VEPH1: variants seen among roughly 807,000 people sequenced by gnomAD.
VEPH1 encodes the protein ventricular zone-expressed PH domain-containing protein homolog 1.
A neutral mutation model predicts 85.2 loss-of-function variants in VEPH1; 80 were observed. The observed-to-expected ratio is 0.94, with a 90% CI of 0.78 to 1.13. The LOEUF is 1.13. Among genes scored for constraint, VEPH1 ranks in the 50% most tolerant of loss-of-function variants. The pLI, the probability that VEPH1 is intolerant of heterozygous loss-of-function variation, is 0.00. For synonymous variants in VEPH1, 297 were observed against 348.0 expected, an observed-to-expected ratio of 0.85 and a Z score of 1.63; for missense variants, 955 against 980.5, an observed-to-expected ratio of 0.97 and a Z score of 0.35.
intron 11 of VEPH1, among the ~76,000 whole-genome samples, chr3:157,286,918 G>A (rs1421994006): frequency 1.3e-5 from 2 of 152,178 alleles, no homozygotes; most frequent in African/African-American, 2.4e-5. Flanking sequence ...TGAGTGTCAG[G>A]GTTGAGGTGT....
At chr3:157,263,695 A>G (rs1247941040) in intron 13 of VEPH1, among the ~76,000 whole-genome samples, 1 of 152,200 alleles carries the variant, frequency 6.6e-6, no homozygotes, top group Non-Finnish European at 1.5e-5. Context: ...AAGTAGCATG[A>G]CTACACAGTA....
intron 12 of VEPH1, among the ~76,000 whole-genome samples, chr3:157,273,729 G>A (rs1692203657): frequency 6.6e-6 from 1 of 152,076 alleles, no homozygotes. Context: ...GTAATGCTTT[G>A]TAGTGTAACA....
intron 4 of VEPH1, among the ~76,000 whole-genome samples, chr3:157,454,172 GC>G (rs1364441277): frequency 6.6e-6 from 1 of 152,012 alleles, no homozygotes; most frequent in African/African-American, 2.4e-5. Flanking sequence ...CAAAAATGTA[GC>G]CAAGGTGTTG....
intron 7 of VEPH1, among the ~76,000 whole-genome samples, chr3:157,368,213 G>C (rs1341821309): frequency 6.6e-6 from 1 of 152,192 alleles, no homozygotes; most frequent in Non-Finnish European, 1.5e-5. Context: ...CTGTAGGAGG[G>C]GATGGCCACT....
chr3:157,326,876 A>G (rs1444346680), intron 9 of VEPH1, among the ~76,000 whole-genome samples: 2 of 152,214 alleles, frequency 1.3e-5, no homozygotes, highest in Non-Finnish European at 2.9e-5. Flanking sequence ...TCCTGAAGCC[A>G]GACAGAAAGG....
intron 9 of VEPH1, among the ~76,000 whole-genome samples, chr3:157,325,599 C>T (rs1306332901): frequency 1.3e-5 from 2 of 152,110 alleles, no homozygotes; most frequent in Non-Finnish European, 2.9e-5. Flanking sequence ...AATAGGGAAT[C>T]CTTTCCCCAT....
chr3:157,438,480 C>G (rs1302535885), intron 4 of VEPH1, among the ~76,000 whole-genome samples: 3 of 152,126 alleles, frequency 2.0e-5, no homozygotes, highest in Non-Finnish European at 4.4e-5. Flanking sequence ...GCTAATCTCC[C>G]GAAGGGTCAG....
chr3:157,413,564 C>A lies in VEPH1; in HGVS notation c.906+317G>T, dbSNP rs1011636641. 13 of 985,316 alleles carry A rather than the reference C, an allele frequency of 1.3e-5. No individual in the cohort carries two copies. The East Asian group carries it at 3.4e-4, about 26-fold the overall frequency. The allele number at this position is 985,316 out of a possible 1,614,324, so 61.0% of individuals were successfully genotyped here. A position where few individuals can be genotyped will look rare whatever the true frequency, so the allele number is the denominator to read the frequency against. ...TCTTTCAGTGCTCTCTCCATTTTAA[C>A]CCTCCTTCTTCAGGTGACACAGCAG... On this transcript the variant is annotated intron_variant, in intron 6 of 13. Transcript: ENST00000362010.
intron 6 of VEPH1, among the ~76,000 whole-genome samples, chr3:157,392,836 C>T (rs886777326): frequency 1.3e-5 from 2 of 152,168 alleles, no homozygotes; most frequent in African/African-American, 2.4e-5. Flanking sequence ...GCGGCAGATA[C>T]TTTTGATTGC....
intron 9 of VEPH1, among the ~76,000 whole-genome samples, chr3:157,356,064 T>G (rs1049601629): frequency 9.2e-5 from 14 of 152,028 alleles, no homozygotes; most frequent in Non-Finnish European, 1.9e-4. Context: ...GGCTGGCTTA[T>G]TTTTGCATAT....
intron 9 of VEPH1, among the ~76,000 whole-genome samples, chr3:157,343,437 T>C (rs1723823801): frequency 6.6e-6 from 1 of 152,104 alleles, no homozygotes; most frequent in Non-Finnish European, 1.5e-5. Context: ...AAGAAATGGA[T>C]AAATTCCTGG....
Position 157,313,631 on chromosome 3 carries a change from G to A in VEPH1, c.2000C>T (p.Pro667Leu). The A allele has an allele frequency of 1.2e-6, 2 of 1,614,026 alleles. No homozygotes were observed. The highest frequency in any genetic ancestry group is 1.7e-6 in the Non-Finnish European group (2 of 1,179,956). ...GAAAGGAATATTTACCTTCTGCTGT[G>A]GAAACGTGGACTCCATCATGGCAGT... ...FETAMMESTF[P>L]QQKDLDQVQL... Residue 667 changes from proline (P) to leucine (L), a missense_variant, in exon 11 of 14, where the codon CCA becomes CTA. Physicochemically the swap from Pro to Leu is moderately conservative, Grantham distance 98. Coordinates refer to ENST00000362010, the MANE Select transcript of VEPH1 (RefSeq NM_001167912.2).
intron 4 of VEPH1, among the ~76,000 whole-genome samples, chr3:157,457,455 T>G (rs1735477161): frequency 1.3e-5 from 2 of 152,236 alleles, no homozygotes; most frequent in Non-Finnish European, 2.9e-5. Flanking sequence ...CCTTGTCTTG[T>G]GCCAGTTTTC....
chr3:157,384,571 C>T (rs1729096429), intron 6 of VEPH1, among the ~76,000 whole-genome samples: 1 of 152,108 alleles, frequency 6.6e-6, no homozygotes, highest in Non-Finnish European at 1.5e-5. Context: ...AGGTGAAGGT[C>T]GTTGTTTGGG....
intron 6 of VEPH1, among the ~76,000 whole-genome samples, chr3:157,400,408 A>G (rs1560033218): frequency 6.6e-6 from 1 of 152,166 alleles, no homozygotes; most frequent in Non-Finnish European, 1.5e-5. Context: ...TGAAACAATT[A>G]TGGCTAAAGT....
chr3:157,493,592 A>T (rs1253188916), intron 2 of VEPH1, among the ~76,000 whole-genome samples: 2 of 152,218 alleles, frequency 1.3e-5, no homozygotes, highest in Non-Finnish European at 2.9e-5. Context: ...AAGTTAGTAG[A>T]TGAAGAAGAC....
At chr3:157,419,901 A>G (rs971030355) in intron 5 of VEPH1, among the ~76,000 whole-genome samples, 71 of 152,202 alleles carry the variant, frequency 4.7e-4, no homozygotes, top group Admixed American at 4.6e-3. Context: ...CATTTGCAAT[A>G]CCAAAGACAT....
chr3:157,447,348 CTT>C (rs149301621), intron 4 of VEPH1, among the ~76,000 whole-genome samples: 4,079 of 152,220 alleles, frequency 0.027, 176 homozygotes, highest in African/African-American at 0.09. Context: ...TGTGCATTGT[CTT>C]TTCATAACTT....
chr3:157,337,019 C>G (rs1723033763), intron 9 of VEPH1, among the ~76,000 whole-genome samples: 1 of 151,138 alleles, frequency 6.6e-6, no homozygotes, highest in African/African-American at 2.4e-5. Flanking sequence ...AAACATTTTT[C>G]TGTATTTTAA....
Sources: allele counts gnomAD v4.1 joint callset (sites outside exome capture counted in the v4.1 genomes callset), GRCh38; gene constraint gnomAD v4.1.1; transcripts MANE v1.5; gene names NCBI Gene and HGNC (gene_info 2026-07-23, HGNC 2026-07-21).